Variants in RPA1 observed in about 807,000 individuals in gnomAD.
The protein encoded by RPA1 is replication protein A1, also known as replication protein A 70 kDa DNA-binding subunit.
A neutral mutation model predicts 83.0 loss-of-function variants in RPA1; 49 were observed. That is an observed-to-expected ratio of 0.59 (90% confidence interval 0.47 to 0.75). RPA1 has a LOEUF of 0.75. RPA1 is among the 30% of genes least tolerant of loss of function. RPA1 has a pLI of 0.00. For synonymous variants in RPA1, 279 were observed against 281.8 expected (o/e 0.99, Z 0.10); for missense variants, 693 against 776.1 (o/e 0.89, Z 1.27).
intron 12 of RPA1, among the ~76,000 whole-genome samples, chr17:1,882,979 G>A (rs897128360): frequency 6.6e-6 from 1 of 152,056 alleles, no homozygotes; most frequent in Non-Finnish European, 1.5e-5. Flanking sequence ...TCACCACTGG[G>A]GGGCATCAAA....
chr17:1,882,231 G>A lies in RPA1; in HGVS notation c.1241+1540G>A, dbSNP rs17292196. 2.7e-3 allele frequency among the ~76,000 whole-genome samples: 415 copies of A among 152,156 alleles called. 2 individuals are homozygous for A. The highest frequency in any genetic ancestry group is 8.8e-3 in the African/African-American group (367 of 41,500). ...TTCATATCAATTGATGTGTGATCAA[G>A]AAGTACAATCAGTTTTCATAATAAT... is the stretch of plus-strand genomic sequence containing the variant. On this transcript the variant is annotated intron_variant, in intron 12 of 16. Coordinates refer to ENST00000254719, the MANE Select transcript of RPA1 (RefSeq NM_002945.5).
At chr17:1,866,620 G>A (rs1471973428) in intron 5 of RPA1, among the ~76,000 whole-genome samples, 2 of 152,016 alleles carry the variant, frequency 1.3e-5, no homozygotes, top group Non-Finnish European at 2.9e-5. Context: ...CCCGGCCACC[G>A]GCTAATTTTT....
Position 1,836,528 on chromosome 17 carries a change from T to G in RPA1, c.34-6275T>G, listed in dbSNP as rs537756956. On this transcript the variant is annotated intron_variant, in intron 1 of 16. Coordinates refer to ENST00000254719, the MANE Select transcript of RPA1 (RefSeq NM_002945.5). The stretch of plus-strand genomic sequence containing the variant: ...TCCATCAACGCACAACTCCTCTTGC[T>G]CCTTCCCCACCTCCATCCTCACCCT... 2.6e-5 allele frequency among the ~76,000 whole-genome samples: 4 copies of G among 152,280 alleles called. No homozygotes were observed. In the East Asian group the frequency reaches 7.7e-4, roughly 29 times the overall value.
intron 5 of RPA1, among the ~76,000 whole-genome samples, chr17:1,859,495 A>G (rs1326512640): frequency 2.6e-5 from 4 of 152,176 alleles, no homozygotes; most frequent in South Asian, 2.1e-4. Flanking sequence ...TTAAATATCT[A>G]TATAATTTAG....
chr17:1,881,917 C>A (rs1210176936), intron 12 of RPA1, among the ~76,000 whole-genome samples: 3 of 141,916 alleles, frequency 2.1e-5, no homozygotes, highest in Non-Finnish European at 4.7e-5. Context: ...TCTTTGGTGG[C>A]AAATGTCTCC....
chr17:1,845,767 C>T (rs1375756338), intron 4 of RPA1, among the ~76,000 whole-genome samples: 1 of 151,682 alleles, frequency 6.6e-6, no homozygotes, highest in Non-Finnish European at 1.5e-5. Context: ...CTTGTCTCTA[C>T]GAAAAAAAGG....
intron 4 of RPA1, among the ~76,000 whole-genome samples, chr17:1,849,388 G>A (rs995330050): frequency 4.1e-5 from 6 of 146,984 alleles, no homozygotes; most frequent in Admixed American, 7.0e-5. Context: ...CGCCTCCCGG[G>A]TTCACGCCAT....
At position 1,852,966 on chromosome 17, in the gene RPA1, G is replaced by C. The variant is rs551558327; in HGVS notation, c.273-135G>C. The C allele has an allele frequency of 2.3e-4, 154 of 679,916 alleles. 2 individuals are homozygous for C. In the East Asian group the frequency reaches 4.0e-3, roughly 18 times the overall value. 42.1% of individuals were successfully genotyped at this position (679,916 alleles called of 1,614,324 possible). ...TGATAATGATGCGGCGAAAGATGAA[G>C]AGAAATATTTATGTAAACAGATGAC... On this transcript the variant is annotated intron_variant, in intron 4 of 16. Coordinates refer to ENST00000254719, the MANE Select transcript of RPA1 (RefSeq NM_002945.5).
chr17:1,894,991 T>C lies in RPA1; in HGVS notation c.1660-18T>C, dbSNP rs1914344780. 1.2e-6 allele frequency: 2 copies of C among 1,607,884 alleles called. No individual in the cohort carries two copies. The highest frequency in any genetic ancestry group is 1.7e-6 in the Non-Finnish European group (2 of 1,175,210). On this transcript the variant is annotated intron_variant, in intron 15 of 16. Coordinates refer to ENST00000254719, the MANE Select transcript of RPA1 (RefSeq NM_002945.5). Reference sequence around the variant, plus strand: ...TCCAGTGGTTTCCATGTGTCAAGTTTTATGTTTGTTTTTGCAGAATGAACA... The same window carrying C: ...TCCAGTGGTTTCCATGTGTCAAGTTCTATGTTTGTTTTTGCAGAATGAACA...
intron 1 of RPA1, among the ~76,000 whole-genome samples, chr17:1,839,554 A>G (rs1044693050): frequency 5.3e-5 from 8 of 150,650 alleles, no homozygotes; most frequent in Non-Finnish European, 1.2e-4. Flanking sequence ...TTGATCTCCC[A>G]ACCTCATGTG....
At chr17:1,883,187 G>C (rs556520850) in intron 12 of RPA1, among the ~76,000 whole-genome samples, 1 of 152,010 alleles carries the variant, frequency 6.6e-6, no homozygotes, top group African/African-American at 2.4e-5. Context: ...ACGGAGTTTC[G>C]GTCTTGTTGC....
chr17:1,844,849 T>C (rs1375824552), intron 4 of RPA1, among the ~76,000 whole-genome samples, 163 bp downstream of exon 4: 1 of 152,138 alleles, frequency 6.6e-6, no homozygotes, highest in Non-Finnish European at 1.5e-5. Flanking sequence ...TGGAAACAAG[T>C]TGGAAATTTC....
intron 8 of RPA1, among the ~76,000 whole-genome samples, chr17:1,877,971 C>T (rs577794604): frequency 2.0e-5 from 3 of 152,334 alleles, no homozygotes; most frequent in South Asian, 2.1e-4. Flanking sequence ...TGGCTCACGC[C>T]TGTAATCCCA....
intron 5 of RPA1, among the ~76,000 whole-genome samples, chr17:1,868,199 A>G (rs1040759576): frequency 2.6e-5 from 4 of 152,160 alleles, no homozygotes; most frequent in African/African-American, 9.7e-5. Context: ...TCAGGGGGAT[A>G]AGATTGCTGT....
chr17:1,857,953 T>C (rs1912774321), intron 5 of RPA1: 3 of 1,565,844 alleles, frequency 1.9e-6, no homozygotes, highest in East Asian at 2.3e-5. Flanking sequence ...AGGAGAACTT[T>C]TCCCAGGCTG....
intron 5 of RPA1, among the ~76,000 whole-genome samples, chr17:1,869,966 C>A (rs1465149468): frequency 6.6e-6 from 1 of 152,152 alleles, no homozygotes; most frequent in Non-Finnish European, 1.5e-5. Context: ...CCAGATCTCA[C>A]AACTAGAGTT....
chr17:1,879,812 G>T, intron 11 of RPA1, 113 bp downstream of exon 11: 1 of 1,315,718 alleles, frequency 7.6e-7, no homozygotes, highest in Non-Finnish European at 1.1e-6. Context: ...CTGGAGTTGG[G>T]GGAGGGAGTG....
chr17:1,836,261 G>A (rs1440856535), intron 1 of RPA1, among the ~76,000 whole-genome samples: 6 of 51,840 alleles, frequency 1.2e-4, no homozygotes, highest in Non-Finnish European at 5.6e-4. Flanking sequence ...ACAGGTGCAC[G>A]CCACCACCTG....
intron 10 of RPA1, 52 bp downstream of exon 10, chr17:1,879,459 T>C: frequency 5.6e-6 from 9 of 1,609,394 alleles, no homozygotes; most frequent in Non-Finnish European, 7.6e-6. Context: ...TTCTTTGCAG[T>C]GTACGGGGTG....
Sources: gnomAD v4.1 joint callset for allele counts (sites outside exome capture counted in the v4.1 genomes callset) on GRCh38, gnomAD v4.1.1 for gene constraint, MANE v1.5 for transcripts, NCBI Gene and HGNC (gene_info 2026-07-23, HGNC 2026-07-21) for gene names.